CDYL: variants seen among roughly 807,000 people sequenced by gnomAD.
The protein encoded by CDYL is chromodomain Y like.
A neutral mutation model predicts 47.3 loss-of-function variants in CDYL; 8 were observed. The observed-to-expected ratio is 0.17, with a 90% CI of 0.10 to 0.31. The LOEUF is 0.31. Ranked by LOEUF, CDYL falls within the 10% of genes least tolerant of loss-of-function variation. The probability of loss-of-function intolerance (pLI) is 1.00; values close to 1 mark genes in which losing one functional copy is unlikely to be tolerated. For synonymous variants in CDYL, 266 were observed against 265.0 expected (o/e 1.00, Z -0.04); for missense variants, 471 against 701.4 (o/e 0.67, Z 3.71).
At chr6:4,726,008 C>T (rs1208850339) in intron 2 of CDYL, among the ~76,000 whole-genome samples, 1 of 151,928 alleles carries the variant, frequency 6.6e-6, no homozygotes, top group Non-Finnish European at 1.5e-5. Context: ...CTAAGGGCGA[C>T]TGAAATTTAC....
intron 1 of CDYL, among the ~76,000 whole-genome samples, chr6:4,817,705 C>T (rs1759713176): frequency 1.3e-5 from 2 of 152,176 alleles, no homozygotes; most frequent in African/African-American, 2.4e-5. Context: ...TTGTATTATT[C>T]ATGACTCATC....
At chr6:4,855,621 A>G (rs1487381765) in intron 1 of CDYL, among the ~76,000 whole-genome samples, 1 of 152,188 alleles carries the variant, frequency 6.6e-6, no homozygotes, top group African/African-American at 2.4e-5. Context: ...TTCATCTGAA[A>G]GTTATTTGTG....
At chr6:4,830,233 G>T (rs887950585) in intron 1 of CDYL, among the ~76,000 whole-genome samples, 1 of 152,226 alleles carries the variant, frequency 6.6e-6, no homozygotes, top group African/African-American at 2.4e-5. Flanking sequence ...ATTGGCGCTG[G>T]CTTATGATTC....
At chr6:4,828,150 C>T (rs149230865) in intron 1 of CDYL, among the ~76,000 whole-genome samples, 49 of 151,854 alleles carry the variant, frequency 3.2e-4, no homozygotes, top group African/African-American at 1.1e-3. Context: ...TGATGAACTT[C>T]CTCAGCTTTT....
chr6:4,940,335 A>C (rs958341130), intron 4 of CDYL, among the ~76,000 whole-genome samples: 7 of 152,238 alleles, frequency 4.6e-5, no homozygotes, highest in Non-Finnish European at 7.3e-5. Flanking sequence ...GTTACACCAG[A>C]GTCACTTAAC....
intron 1 of CDYL, among the ~76,000 whole-genome samples, chr6:4,844,256 A>G (rs1306092189): frequency 5.3e-5 from 8 of 152,058 alleles, no homozygotes; most frequent in Non-Finnish European, 4.4e-5. Flanking sequence ...CATTGTTACT[A>G]GTTTTGTGTT....
At chr6:4,770,132 G>C (rs893687781) in intron 3 of CDYL, among the ~76,000 whole-genome samples, 1 of 152,044 alleles carries the variant, frequency 6.6e-6, no homozygotes, top group Non-Finnish European at 1.5e-5. Context: ...CCATGGCGCC[G>C]GGCCAACATT....
intron 1 of CDYL, among the ~76,000 whole-genome samples, chr6:4,846,173 A>G (rs1343723997): frequency 6.6e-6 from 1 of 150,968 alleles, no homozygotes; most frequent in East Asian, 1.9e-4. Flanking sequence ...GTCTTTGGGT[A>G]CTGCCTTCTT....
At chr6:4,854,103 C>T (rs1760934181) in intron 1 of CDYL, among the ~76,000 whole-genome samples, 1 of 152,208 alleles carries the variant, frequency 6.6e-6, no homozygotes, top group South Asian at 2.1e-4. Context: ...CGGCCTCCTC[C>T]AGCAGGGCAG....
intron 2 of CDYL, among the ~76,000 whole-genome samples, chr6:4,893,538 C>A (rs1204745879): frequency 6.6e-6 from 1 of 152,178 alleles, no homozygotes; most frequent in Non-Finnish European, 1.5e-5. Context: ...ACTAAAAATA[C>A]AAAAATTAGC....
intron 1 of CDYL, among the ~76,000 whole-genome samples, chr6:4,854,975 A>G (rs1760963073): frequency 1.3e-5 from 2 of 152,238 alleles, no homozygotes; most frequent in Non-Finnish European, 2.9e-5. Context: ...TCCGGTTATA[A>G]TTATGAAATA....
rs772007663 is a variant in CDYL at position 4,944,521 on chromosome 6, G to A, written c.1332+765G>A. Among the ~76,000 whole-genome samples, 92 of 152,172 alleles carry A rather than the reference G, an allele frequency of 6.0e-4. 3 individuals are homozygous for A. The highest frequency in any genetic ancestry group is 2.0e-4 in the Admixed American group (3 of 15,284). On this transcript the variant is annotated intron_variant, in intron 5 of 6. Transcript: ENST00000397588. The stretch of plus-strand genomic sequence containing the variant: ...TGGCCGTCTGCTAACAGCAGCACCC[G>A]CAGCCAGGCAGCCAGGCCTCCCCAG...
chr6:4,918,377 C>T lies in CDYL; in HGVS notation c.692-17138C>T, dbSNP rs200234258. On this transcript the variant is annotated intron_variant, in intron 2 of 6. Transcript: ENST00000397588. ...AGGTTGGGTGATGTTCTGCCCCCCC[C>T]CCTTTTTTTTGGCACTTTGAGGTGA... is the stretch of plus-strand genomic sequence containing the variant. 3.0e-4 allele frequency among the ~76,000 whole-genome samples: 45 copies of T among 150,292 alleles called. No individual in the cohort carries two copies. In the East Asian group the frequency reaches 4.7e-3, roughly 16 times the overall value.
At chr6:4,712,721 A>C (rs1757174511) in intron 1 of CDYL, among the ~76,000 whole-genome samples, 1 of 152,184 alleles carries the variant, frequency 6.6e-6, no homozygotes, top group African/African-American at 2.4e-5. Context: ...CAGAGCTTTA[A>C]ATGGCTCCCA....
At chr6:4,900,779 G>GTGTATGTGTA in intron 2 of CDYL, among the ~76,000 whole-genome samples, 1 of 51,706 alleles carries the variant, frequency 1.9e-5, no homozygotes, top group African/African-American at 6.3e-5. Flanking sequence ...GTATACGTGT[G>GTGTATGTGTA]TATATATATA....
chr6:4,815,770 A>G (rs1435703241), intron 1 of CDYL, among the ~76,000 whole-genome samples: 1 of 132,216 alleles, frequency 7.6e-6, no homozygotes, highest in African/African-American at 2.9e-5. Flanking sequence ...TCCATATTAT[A>G]TTCAGTGGTC....
rs1762067522 is a variant in CDYL, at chr6:4,892,213, C to T, written c.525C>T (p.Asp175=). ...ACCCCGTCGAGCAGGGTCAGGAGGA[C>T]ACAGTGGCACCCGAAGTGGCAGCGG... The part of the protein sequence containing the change: ...KLDPVEQGQE[D]TVAPEVAAEK... The change falls in exon 2 of 7, where the codon GAC becomes GAT. Residue 175 remains aspartate, a synonymous_variant. Coordinates refer to ENST00000397588, the MANE Select transcript of CDYL (RefSeq NM_004824.4). The T allele has an allele frequency of 1.9e-6, 3 of 1,614,116 alleles. No homozygotes were observed. The highest frequency in any genetic ancestry group is 2.5e-6 in the Non-Finnish European group (3 of 1,180,056).
chr6:4,730,404 C>T (rs994277998), intron 2 of CDYL, among the ~76,000 whole-genome samples: 7 of 152,082 alleles, frequency 4.6e-5, no homozygotes, highest in Non-Finnish European at 1.0e-4. Context: ...TGGCCAGGCA[C>T]GGTGGCTCAT....
intron 1 of CDYL, among the ~76,000 whole-genome samples, chr6:4,845,044 C>T (rs906258969): frequency 5.9e-5 from 9 of 152,164 alleles, no homozygotes; most frequent in African/African-American, 2.2e-4. Context: ...ATTTGAGATA[C>T]TCCAAAGTGC....
Sources: allele counts gnomAD v4.1 joint callset (sites outside exome capture counted in the v4.1 genomes callset), GRCh38; gene constraint gnomAD v4.1.1; transcripts MANE v1.5; gene names NCBI Gene and HGNC (gene_info 2026-07-23, HGNC 2026-07-21).